The following TMEM132C variants were observed in gnomAD, a reference collection of about 807,000 sequenced individuals.
TMEM132C encodes transmembrane protein 132C, also known as protein phosphatase 1, regulatory subunit 152.
A neutral mutation model predicts 61.4 loss-of-function variants in TMEM132C; 29 were observed. That is an observed-to-expected ratio of 0.47 (90% CI 0.35 to 0.64). The LOEUF is 0.64. TMEM132C is among the 30% of genes least tolerant of loss of function. The probability of loss-of-function intolerance (pLI) is 0.00; values close to 1 mark genes in which losing one functional copy is unlikely to be tolerated. For missense variants in TMEM132C, 1,408 were observed against 1,476.9 expected (o/e 0.95, Z 0.76); for synonymous variants, 656 against 633.1 (o/e 1.04, Z -0.54).
intron 1 of TMEM132C, among the ~76,000 whole-genome samples, chr12:128,400,447 G>A (rs919594460): frequency 2.6e-5 from 4 of 152,268 alleles, no homozygotes; most frequent in Non-Finnish European, 4.4e-5. Flanking sequence ...AGTTTGGCCA[G>A]GGGCAGGGCT....
intron 3 of TMEM132C, among the ~76,000 whole-genome samples, chr12:128,603,535 G>T (rs1405116471): frequency 2.0e-5 from 3 of 152,186 alleles, no homozygotes; most frequent in Admixed American, 2.0e-4. Context: ...GTTTAGTCTG[G>T]CCAGGAGTGG....
At chr12:128,648,061 G>A (rs1206860835) in intron 4 of TMEM132C, among the ~76,000 whole-genome samples, 23 of 150,984 alleles carry the variant, frequency 1.5e-4, no homozygotes, top group Non-Finnish European at 2.8e-4. Context: ...GAGTCCATCA[G>A]CATTTGATGT....
At chr12:128,620,864 AT>A (rs1159067024) in intron 4 of TMEM132C, among the ~76,000 whole-genome samples, 3 of 152,112 alleles carry the variant, frequency 2.0e-5, no homozygotes, top group Non-Finnish European at 4.4e-5. Flanking sequence ...ATAAAATCAA[AT>A]TAAAAATAAA....
intron 3 of TMEM132C, among the ~76,000 whole-genome samples, chr12:128,559,871 C>T (rs1317622515): frequency 6.6e-6 from 1 of 152,230 alleles, no homozygotes; most frequent in African/African-American, 2.4e-5. Context: ...TAAATTCTCA[C>T]TTAACCTGGG....
intron 5 of TMEM132C, among the ~76,000 whole-genome samples, chr12:128,675,357 C>T (rs925836228): frequency 8.5e-5 from 13 of 152,152 alleles, no homozygotes; most frequent in South Asian, 2.1e-4. Flanking sequence ...AACTGAGGCT[C>T]AGCAAATGGA....
chr12:128,394,221 A>C (rs1353607277), intron 1 of TMEM132C, among the ~76,000 whole-genome samples: 1 of 152,012 alleles, frequency 6.6e-6, no homozygotes, highest in Non-Finnish European at 1.5e-5. Context: ...GGAAAGACCT[A>C]CCCCCATGCT....
At chr12:128,662,087 A>G (rs995286490) in intron 4 of TMEM132C, among the ~76,000 whole-genome samples, 2 of 152,208 alleles carry the variant, frequency 1.3e-5, no homozygotes, top group Non-Finnish European at 2.9e-5. Flanking sequence ...TCTTTTGTAA[A>G]AGAAAAAAAA....
chr12:128,340,912 C>CTG (rs1872952730), intron 1 of TMEM132C, among the ~76,000 whole-genome samples: 1 of 106,926 alleles, frequency 9.4e-6, no homozygotes, highest in Non-Finnish European at 1.9e-5. Context: ...CTTTCTCTCT[C>CTG]TCTTTCTCTC....
intron 1 of TMEM132C, among the ~76,000 whole-genome samples, chr12:128,391,154 T>C: frequency 6.6e-6 from 1 of 152,192 alleles, no homozygotes; most frequent in East Asian, 1.9e-4. Context: ...CTCCAAGTGG[T>C]GGCCATACAG....
chr12:128,290,047 A>T (rs1277268978), intron 1 of TMEM132C, among the ~76,000 whole-genome samples: 1 of 152,172 alleles, frequency 6.6e-6, no homozygotes, highest in Admixed American at 6.5e-5. Context: ...AAGGGCTTCC[A>T]GAAAAGGTGG....
In TMEM132C at chr12:128,616,275, C is replaced by T. The variant is rs374751689; in HGVS notation, c.1245C>T (p.Ile415=). Residue 415 remains isoleucine, a synonymous_variant, in exon 4 of 9, where the codon ATC becomes ATT. Coordinates refer to ENST00000435159, the MANE Select transcript of TMEM132C (RefSeq NM_001136103.3). Reference sequence around the variant, plus strand: ...ACCCACGGAAGGGGACCACAGACATCGCCGTGTCCGAGATCTTTGTCAGCC... The same window carrying T: ...ACCCACGGAAGGGGACCACAGACATTGCCGTGTCCGAGATCTTTGTCAGCC... ...VEYPRKGTTD[I]AVSEIFVSQK... 187 of 1,551,858 alleles carry T rather than the reference C, an allele frequency of 1.2e-4. 2 individuals are homozygous for T. In the African/African-American group the frequency reaches 1.9e-3, roughly 16 times the overall value.
At chr12:128,426,338 T>C (rs1369370645) in intron 2 of TMEM132C, among the ~76,000 whole-genome samples, 1 of 152,238 alleles carries the variant, frequency 6.6e-6, no homozygotes, top group Non-Finnish European at 1.5e-5. Context: ...ATACCTGGCT[T>C]GCCCTGCATG....
chr12:128,706,385 G>A lies in TMEM132C; in HGVS notation c.*90G>A. 6 of 1,424,842 alleles carry A rather than the reference G, an allele frequency of 4.2e-6. No individual in the cohort carries two copies. The highest frequency in any genetic ancestry group is 5.5e-6 in the Non-Finnish European group (6 of 1,088,770). 88.3% of individuals were successfully genotyped at this position (1,424,842 alleles called of 1,614,324 possible). A position where few individuals can be genotyped will look rare whatever the true frequency, so the allele number is the denominator to read the frequency against. On this transcript the variant is annotated 3_prime_UTR_variant, in exon 9 of 9. Coordinates refer to ENST00000435159, the MANE Select transcript of TMEM132C (RefSeq NM_001136103.3). Reference sequence around the variant, plus strand: ...CAGAAGGCGTTGTCAGTGGGGTTAAGAAGGGACGGTCCCAGGGTCCATGCT... The same window carrying A: ...CAGAAGGCGTTGTCAGTGGGGTTAAAAAGGGACGGTCCCAGGGTCCATGCT...
At chr12:128,622,360 A>AATATAT (rs767066742) in intron 4 of TMEM132C, among the ~76,000 whole-genome samples, 490 of 29,766 alleles carry the variant, frequency 0.016, 11 homozygotes, top group Non-Finnish European at 0.019. Context: ...AAAAAAAAAA[A>AATATAT]ATATATATAT....
At chr12:128,290,850 A>AG in intron 1 of TMEM132C, among the ~76,000 whole-genome samples, 1 of 147,352 alleles carries the variant, frequency 6.8e-6, no homozygotes, top group South Asian at 2.2e-4. Context: ...TCATTTAACA[A>AG]AAAAAAAAAA....
At chr12:128,347,594 A>G (rs1452259809) in intron 1 of TMEM132C, among the ~76,000 whole-genome samples, 1 of 152,070 alleles carries the variant, frequency 6.6e-6, no homozygotes, top group African/African-American at 2.4e-5. Context: ...AAACATGGCT[A>G]ATTTTGTATT....
chr12:128,359,300 C>T (rs769692847), intron 1 of TMEM132C, among the ~76,000 whole-genome samples: 11 of 152,146 alleles, frequency 7.2e-5, no homozygotes, highest in East Asian at 3.9e-4. Context: ...GAGCAAGGGA[C>T]GTCTTACATG....
At chr12:128,591,404 T>C (rs1438727638) in intron 3 of TMEM132C, among the ~76,000 whole-genome samples, 3 of 152,152 alleles carry the variant, frequency 2.0e-5, no homozygotes, top group Non-Finnish European at 2.9e-5. Context: ...CTCAGCGTCA[T>C]GGTCTGAGGG....
chr12:128,539,897 T>C (rs995209128), intron 2 of TMEM132C, among the ~76,000 whole-genome samples: 2 of 152,224 alleles, frequency 1.3e-5, no homozygotes, highest in African/African-American at 4.8e-5. Context: ...TAGTGGGCTC[T>C]TCCAATCTGA....
Sources: allele counts gnomAD v4.1 joint callset (sites outside exome capture counted in the v4.1 genomes callset), GRCh38; gene constraint gnomAD v4.1.1; transcripts MANE v1.5; gene names NCBI Gene and HGNC (gene_info 2026-07-23, HGNC 2026-07-21).